Variants in FAM193A observed in about 807,000 individuals in gnomAD.
The protein encoded by FAM193A is protein FAM193A.
In FAM193A, 22 loss-of-function variants were observed where a neutral mutation model predicts 126.5. That is an observed-to-expected ratio of 0.17 (90% CI 0.12 to 0.25). The LOEUF is 0.25. FAM193A is among the 10% of genes least tolerant of loss of function. The pLI is 1.00. For synonymous variants in FAM193A, 761 were observed against 646.8 expected, an observed-to-expected ratio of 1.18 and a Z score of -2.68; for missense variants, 1,675 against 1,672.8, an observed-to-expected ratio of 1.00 and a Z score of -0.02.
intron 7 of FAM193A, among the ~76,000 whole-genome samples, chr4:2,652,008 T>C (rs1392296366): frequency 3.3e-5 from 5 of 152,046 alleles, no homozygotes; most frequent in Admixed American, 2.0e-4. Flanking sequence ...TGGAGAATAG[T>C]TGGAGAGGTA....
intron 2 of FAM193A, chr4:2,608,057 A>G (rs564194671): frequency 4.9e-5 from 79 of 1,608,932 alleles, no homozygotes; most frequent in South Asian, 4.9e-4. Flanking sequence ...CATAAATTGC[A>G]GAGTGTAAGG....
intron 12 of FAM193A, among the ~76,000 whole-genome samples, chr4:2,668,591 G>T (rs1024830467): frequency 2.0e-5 from 3 of 152,022 alleles, no homozygotes; most frequent in Non-Finnish European, 2.9e-5. Flanking sequence ...ACTTTGCTCC[G>T]CAGGAGCTCC....
At chr4:2,707,323 A>C (rs181768208) in intron 19 of FAM193A, among the ~76,000 whole-genome samples, 39 of 152,198 alleles carry the variant, frequency 2.6e-4, no homozygotes, top group Admixed American at 2.0e-4. Context: ...TTTCTTACTG[A>C]GTGTATTTCT....
chr4:2,557,102 G>T (rs573563305), intron 1 of FAM193A, among the ~76,000 whole-genome samples: 1 of 152,058 alleles, frequency 6.6e-6, no homozygotes, highest in Non-Finnish European at 1.5e-5. Context: ...TTTACCATAG[G>T]TAAAGCTTAA....
intron 1 of FAM193A, among the ~76,000 whole-genome samples, chr4:2,590,422 G>A (rs1211886631): frequency 3.4e-5 from 4 of 118,208 alleles, no homozygotes; most frequent in Non-Finnish European, 5.1e-5. Context: ...CCAAGATGGC[G>A]CCACTGCATT....
At chr4:2,559,173 C>A (rs1374649612) in intron 1 of FAM193A, among the ~76,000 whole-genome samples, 1 of 152,198 alleles carries the variant, frequency 6.6e-6, no homozygotes, top group Non-Finnish European at 1.5e-5. Context: ...GATGTCCACA[C>A]CTGTATTCCA....
chr4:2,661,551 CTG>C (rs1712446770), intron 10 of FAM193A, among the ~76,000 whole-genome samples: 2 of 152,170 alleles, frequency 1.3e-5, no homozygotes, highest in African/African-American at 2.4e-5. Flanking sequence ...TGCAGTGGGC[CTG>C]CAGGAAGCCC....
At chr4:2,598,832 A>G (rs751028082) in intron 2 of FAM193A, among the ~76,000 whole-genome samples, 1 of 152,024 alleles carries the variant, frequency 6.6e-6, no homozygotes, top group Admixed American at 6.6e-5. Flanking sequence ...GTCTCTCTCT[A>G]CTTCCTCCTT....
intron 5 of FAM193A, among the ~76,000 whole-genome samples, chr4:2,637,396 C>T (rs986402255): frequency 5.3e-5 from 8 of 152,146 alleles, no homozygotes; most frequent in African/African-American, 1.9e-4. Context: ...TGTCACTAGG[C>T]TTAAGTTATG....
chr4:2,625,489 C>G (rs1742858750), intron 3 of FAM193A, 94 bp downstream of exon 3: 1 of 579,248 alleles, frequency 1.7e-6, no homozygotes, highest in African/African-American at 1.9e-5. Context: ...GCTAATGTGA[C>G]AGACAGCAAC....
intron 1 of FAM193A, among the ~76,000 whole-genome samples, chr4:2,549,651 C>T (rs1737788239): frequency 6.6e-6 from 1 of 151,744 alleles, no homozygotes; most frequent in East Asian, 1.9e-4. Flanking sequence ...CCGCCTCAGC[C>T]TCCCAAAGTG....
intron 18 of FAM193A, among the ~76,000 whole-genome samples, chr4:2,699,446 C>CCCCCA (rs748329252): frequency 2.8e-4 from 29 of 103,516 alleles, no homozygotes; most frequent in African/African-American, 5.2e-4. Flanking sequence ...ACCCCCCCCC[C>CCCCCA]CACACACACA....
Position 2,693,612 on chromosome 4 carries a change from G to A in FAM193A, c.2830G>A (p.Glu944Lys), listed in dbSNP as rs138530465. Residue 944 changes from glutamate to lysine, a missense_variant, in exon 16 of 21, where the codon GAG becomes AAG. Coordinates refer to ENST00000637812, the MANE Select transcript of FAM193A (RefSeq NM_001366318.2). ...VGDVFHGISK[E>K]DHRHSAPAAP... is the part of the protein sequence containing the mutation. Reference sequence around the variant, plus strand: ...TGACGTGTTTCATGGCATCAGCAAGGAGGACCACAGACACTCGGCCCCAGC... The same window carrying A: ...TGACGTGTTTCATGGCATCAGCAAGAAGGACCACAGACACTCGGCCCCAGC... The A allele has an allele frequency of 1.5e-5, 25 of 1,613,146 alleles. No homozygotes were observed. The African/African-American group carries it at 3.1e-4, about 20-fold the overall frequency.
chr4:2,719,758 ATCC>A (rs1262642298), intron 20 of FAM193A, among the ~76,000 whole-genome samples: 3 of 145,216 alleles, frequency 2.1e-5, no homozygotes, highest in Admixed American at 1.4e-4. Context: ...AAAAAAAAAA[ATCC>A]TCCTTCCTTC....
Position 2,699,756 on chromosome 4 carries a change from GGGAGGA to G in FAM193A, c.3594_3599del (p.Glu1198_Glu1199del), listed in dbSNP as rs770373160. On this transcript the variant is annotated inframe_deletion, in exon 19 of 21. Transcript: ENST00000637812. ...CACCTCCAGGAGGAGCAGAGGCGGC[GGGAGGA>G]GGAGGAGGATGAGGAAGAAGAGGAG... The G allele has an allele frequency of 1.2e-5, 19 of 1,613,816 alleles. No homozygotes were observed. Among genetic ancestry groups the G allele is most frequent in the Non-Finnish European group, 1.5e-5 (18 of 1,179,890 alleles).
chr4:2,645,170 A>G (rs1021154325), intron 6 of FAM193A, among the ~76,000 whole-genome samples: 4 of 152,162 alleles, frequency 2.6e-5, no homozygotes, highest in African/African-American at 9.7e-5. Context: ...TTTTATGTAA[A>G]TAGTGCTGAT....
At position 2,619,450 on chromosome 4, in the gene FAM193A, G is replaced by A. The variant is rs139567314; in HGVS notation, c.502-5812G>A. Among the ~76,000 whole-genome samples the A allele has an allele frequency of 4.2e-3, 643 of 151,914 alleles. 1 individual carries two copies. Among genetic ancestry groups the A allele is most frequent in the African/African-American group, 0.015 (618 of 41,392 alleles). On this transcript the variant is annotated intron_variant, in intron 2 of 20. Transcript: ENST00000637812. ...CCTGAGTAGCTGGGATTACAGGCAC[G>A]TGCCACCATGCTAATTTTTGTATTT... is the stretch of plus-strand genomic sequence containing the variant.
chr4:2,728,385 C>CTAAA (rs1293484172), intron 20 of FAM193A, among the ~76,000 whole-genome samples: 1 of 151,688 alleles, frequency 6.6e-6, no homozygotes, highest in Non-Finnish European at 1.5e-5. Flanking sequence ...CACAGGTTTA[C>CTAAA]CTTCCCTCAT....
chr4:2,632,174 G>C (rs536897667), intron 5 of FAM193A, among the ~76,000 whole-genome samples: 3 of 152,178 alleles, frequency 2.0e-5, no homozygotes, highest in Non-Finnish European at 2.9e-5. Context: ...ATCAGTTTTG[G>C]GTGCTTTCTT....
Sources: gnomAD v4.1 joint callset for allele counts (sites outside exome capture counted in the v4.1 genomes callset) on GRCh38, gnomAD v4.1.1 for gene constraint, MANE v1.5 for transcripts, NCBI Gene and HGNC (gene_info 2026-07-23, HGNC 2026-07-21) for gene names.